Variants in YEATS2 observed in about 807,000 individuals in gnomAD.
The protein encoded by YEATS2 is YEATS domain containing 2, also known as YEATS domain-containing protein 2.
YEATS2 carries 77 observed loss-of-function variants against 163.2 expected under a neutral mutation model. That is an observed-to-expected ratio of 0.47 (90% confidence interval 0.39 to 0.57). YEATS2 has a LOEUF of 0.57. YEATS2 is among the 20% of genes least tolerant of loss of function. YEATS2 has a pLI of 0.00. For synonymous variants in YEATS2, 631 were observed against 645.1 expected (o/e 0.98, Z 0.33); for missense variants, 1,549 against 1,729.8 (o/e 0.90, Z 1.85).
chr3:183,732,446 C>T (rs1407573493), intron 7 of YEATS2, among the ~76,000 whole-genome samples: 2 of 150,716 alleles, frequency 1.3e-5, no homozygotes, highest in African/African-American at 4.9e-5. Context: ...GAGCAAGACT[C>T]TGTCTCAAAA....
chr3:183,726,363 A>G (rs921598476), intron 6 of YEATS2, among the ~76,000 whole-genome samples: 18 of 152,180 alleles, frequency 1.2e-4, no homozygotes, highest in Non-Finnish European at 2.1e-4. Flanking sequence ...TTTAGTTTGT[A>G]ACAAAAGGTT....
intron 8 of YEATS2, among the ~76,000 whole-genome samples, chr3:183,738,648 C>T (rs1275762867): frequency 8.5e-5 from 12 of 140,666 alleles, no homozygotes; most frequent in South Asian, 2.4e-4. Context: ...TGAGAATATA[C>T]GGTGTTTGGT....
At position 183,801,435 on chromosome 3, in the gene YEATS2, T is replaced by A. The variant is rs1725653922; in HGVS notation, c.3429-20T>A. 1 of 1,497,378 alleles carries A rather than the reference T, an allele frequency of 6.7e-7. No homozygotes were observed. Among genetic ancestry groups the A allele is most frequent in the South Asian group, 1.2e-5 (1 of 81,234 alleles). The allele number at this position is 1,497,378 out of a possible 1,614,324, so 92.8% of individuals were successfully genotyped here. ...ACATGTATTTAATTTATTGCCTTAA[T>A]TTTTTTTTATCTCTCTCAGGATAGA... On this transcript the variant is annotated intron_variant, in intron 24 of 30. Coordinates refer to ENST00000305135, the MANE Select transcript of YEATS2 (RefSeq NM_018023.5).
intron 28 of YEATS2, 106 bp downstream of exon 28, chr3:183,807,198 C>A: frequency 2.0e-6 from 2 of 1,007,934 alleles, no homozygotes; most frequent in Non-Finnish European, 2.9e-6. Flanking sequence ...CTCACAGACA[C>A]AGACTCAGAC....
chr3:183,727,385 A>G (rs944042617), intron 6 of YEATS2, among the ~76,000 whole-genome samples: 19 of 152,174 alleles, frequency 1.2e-4, no homozygotes, highest in African/African-American at 4.6e-4. Flanking sequence ...CTTGTGGCCT[A>G]GTGGGTCTGC....
chr3:183,719,196 C>A (rs1438778558), intron 4 of YEATS2, among the ~76,000 whole-genome samples: 1 of 141,278 alleles, frequency 7.1e-6, no homozygotes, highest in South Asian at 2.2e-4. Flanking sequence ...GAGTTTCGCT[C>A]TTGTTGCCCA....
chr3:183,770,082 A>G (rs1489656572), intron 15 of YEATS2, among the ~76,000 whole-genome samples: 2 of 152,000 alleles, frequency 1.3e-5, no homozygotes, highest in Non-Finnish European at 2.9e-5. Flanking sequence ...TGTATGGTAT[A>G]GTAATATTTT....
chr3:183,749,955 C>T (rs1157766900), intron 9 of YEATS2, among the ~76,000 whole-genome samples: 3 of 151,920 alleles, frequency 2.0e-5, no homozygotes, highest in Non-Finnish European at 4.4e-5. Context: ...GTAGCTGGGA[C>T]TACAGGCACC....
chr3:183,801,757 A>T, intron 25 of YEATS2: 1 of 425,818 alleles, frequency 2.3e-6, no homozygotes, highest in South Asian at 3.4e-5. Flanking sequence ...TACATTTTTC[A>T]TATGTAAATC....
chr3:183,803,167 G>A, intron 25 of YEATS2, 89 bp from the exon 26 acceptor site: 1 of 1,392,072 alleles, frequency 7.2e-7, no homozygotes, highest in Non-Finnish European at 1.0e-6. Flanking sequence ...AAAGAGGTCT[G>A]AAGAAGTGAC....
At position 183,752,552 on chromosome 3, in the gene YEATS2, AC is replaced by A. The variant is rs538381276; in HGVS notation, c.1150+300del. 6.0e-3 allele frequency among the ~76,000 whole-genome samples: 904 copies of A among 151,790 alleles called. 7 individuals carry two copies. Among genetic ancestry groups the A allele is most frequent in the African/African-American group, 0.021 (861 of 41,424 alleles). ...GTGAAACCCCGTCTCTACTAAAAAT[AC>A]AAAAATTTAGCTGGGTGTGATGGTG... On this transcript the variant is annotated intron_variant, in intron 10 of 30. Transcript: ENST00000305135.
At chr3:183,800,407 C>T in intron 23 of YEATS2, 59 bp from the exon 24 acceptor site, 2 of 1,251,384 alleles carry the variant, frequency 1.6e-6, no homozygotes, top group Admixed American at 1.9e-5. Context: ...TTTGTGCCTG[C>T]ACGTGTCCTT....
chr3:183,730,387 T>C (rs1717658030), intron 7 of YEATS2, among the ~76,000 whole-genome samples: 1 of 152,024 alleles, frequency 6.6e-6, no homozygotes, highest in Non-Finnish European at 1.5e-5. Context: ...ATAAATGCAC[T>C]GTGGAAGTGG....
At chr3:183,705,308 C>T (rs970730728) in intron 1 of YEATS2, among the ~76,000 whole-genome samples, 3 of 152,136 alleles carry the variant, frequency 2.0e-5, no homozygotes, top group African/African-American at 7.2e-5. Context: ...CCTCAACTTC[C>T]CAAACTGCTG....
At chr3:183,803,890 A>T in intron 26 of YEATS2, 97 bp from the exon 27 acceptor site, 1 of 1,296,358 alleles carries the variant, frequency 7.7e-7, no homozygotes, top group Non-Finnish European at 1.1e-6. Flanking sequence ...AAATTCTAAC[A>T]GGTTAGGTTA....
In YEATS2 at chr3:183,752,072, G is replaced by GGT; in HGVS notation, c.970_971dup (p.Val325Ter). The GGT allele has an allele frequency of 6.2e-7, 1 of 1,613,970 alleles. No individual in the cohort carries two copies. Among genetic ancestry groups the GGT allele is most frequent in the Non-Finnish European group, 8.5e-7 (1 of 1,179,990 alleles). The stretch of plus-strand genomic sequence containing the variant: ...AGCCTGATTGTTGCCCAATTGTCTA[G>GGT]GTAGTGGATGTTGAACTCCATCGCC... On this transcript the variant is annotated frameshift_variant and splice_region_variant. Transcript: ENST00000305135. LOFTEE classifies it high-confidence loss of function.
intron 13 of YEATS2, among the ~76,000 whole-genome samples, chr3:183,761,248 C>A (rs1007965808): frequency 6.6e-6 from 1 of 151,952 alleles, no homozygotes; most frequent in African/African-American, 2.4e-5. Flanking sequence ...CCACCACACC[C>A]GGCTAATTTT....
intron 1 of YEATS2, among the ~76,000 whole-genome samples, chr3:183,704,773 T>C (rs1183488207): frequency 1.3e-5 from 2 of 151,842 alleles, no homozygotes; most frequent in Non-Finnish European, 2.9e-5. Context: ...GGATTACAGG[T>C]ATCCACAACT....
intron 15 of YEATS2, among the ~76,000 whole-genome samples, chr3:183,764,639 A>C (rs1455254043): frequency 6.6e-6 from 1 of 151,774 alleles, no homozygotes. Context: ...AACCCCGTCT[A>C]TACTAAAAAT....
Sources: gnomAD v4.1 joint callset for allele counts (sites outside exome capture counted in the v4.1 genomes callset) on GRCh38, gnomAD v4.1.1 for gene constraint, MANE v1.5 for transcripts, NCBI Gene and HGNC (gene_info 2026-07-23, HGNC 2026-07-21) for gene names.